The following RSPO4 variants were observed in gnomAD, a reference collection of about 807,000 sequenced individuals.
RSPO4 encodes the protein R-spondin-4.
A neutral mutation model predicts 24.8 loss-of-function variants in RSPO4; 23 were observed. The ratio of observed to expected loss-of-function variants is 0.93; its 90% CI spans 0.67 to 1.31. RSPO4 has a LOEUF of 1.31. RSPO4 is among the 40% of genes most tolerant of loss of function. RSPO4 has a pLI of 0.00. For missense variants in RSPO4, 333 were observed against 316.5 expected, an observed-to-expected ratio of 1.05 and a Z score of -0.39; for synonymous variants, 141 against 127.4, an observed-to-expected ratio of 1.11 and a Z score of -0.72.
intron 3 of RSPO4, among the ~76,000 whole-genome samples, chr20:964,763 TACAC>T (rs367722868): frequency 2.9e-5 from 4 of 138,512 alleles, no homozygotes; most frequent in South Asian, 2.3e-4. Context: ...CACATATATA[TACAC>T]ACACACACAC....
At chr20:966,082 A>G (rs1984186274) in intron 3 of RSPO4, among the ~76,000 whole-genome samples, 1 of 151,976 alleles carries the variant, frequency 6.6e-6, no homozygotes, top group Admixed American at 6.6e-5. Context: ...TGGCAGTGGG[A>G]GTGGAAAGAA....
Position 1,002,085 on chromosome 20 carries a change from C to T in RSPO4, c.79+1G>A, listed in dbSNP as rs775644973. On this transcript the variant is annotated splice_donor_variant, in intron 1 of 4. Coordinates refer to ENST00000217260, the MANE Select transcript of RSPO4 (RefSeq NM_001029871.4). LOFTEE classifies it high-confidence loss of function. The surrounding 1 kb of genome is among the most constrained non-coding windows in gnomAD (Gnocchi z 4.6). ...CCGCCCTGCCCAGCCACCCCTTGTA[C>T]CTTGCTTCTTCCTTCGGTTCAGGGC... is the stretch of plus-strand genomic sequence containing the variant. 8.9e-5 allele frequency: 139 copies of T among 1,556,098 alleles called. 1 individual carries two copies. The highest frequency in any genetic ancestry group is 1.3e-4 in the Admixed American group (7 of 52,116).
intron 1 of RSPO4, among the ~76,000 whole-genome samples, chr20:969,152 C>CA (rs1172929251): frequency 6.6e-6 from 1 of 152,152 alleles, no homozygotes; most frequent in Non-Finnish European, 1.5e-5. Flanking sequence ...CCTGTCTCTA[C>CA]AAAAAATACA....
chr20:978,893 T>C (rs1984651400), intron 1 of RSPO4, among the ~76,000 whole-genome samples: 1 of 151,794 alleles, frequency 6.6e-6, no homozygotes, highest in African/African-American at 2.4e-5. Context: ...CCCGCTAAGG[T>C]GCCAATACAG....
intron 3 of RSPO4, among the ~76,000 whole-genome samples, chr20:965,117 C>T (rs576075426): frequency 3.3e-5 from 5 of 152,218 alleles, no homozygotes; most frequent in African/African-American, 9.6e-5. Context: ...ACAAGACAGC[C>T]CAGGGTCTGC....
chr20:974,754 G>C (rs1241635579), intron 1 of RSPO4, among the ~76,000 whole-genome samples: 1 of 152,164 alleles, frequency 6.6e-6, no homozygotes, highest in African/African-American at 2.4e-5. Flanking sequence ...AAGAGCCTCT[G>C]GAGAATGGAG....
At chr20:974,405 G>A (rs1489762893) in intron 1 of RSPO4, among the ~76,000 whole-genome samples, 2 of 152,222 alleles carry the variant, frequency 1.3e-5, no homozygotes, top group African/African-American at 2.4e-5. Context: ...GACCTAAGGC[G>A]ATCTGCAGGT....
At position 959,937 on chromosome 20, in the gene RSPO4, A is replaced by G. The variant is rs1380489973; in HGVS notation, c.*420T>C. The G allele has an allele frequency of 5.3e-6, 1 of 190,280 alleles. No homozygotes were observed. The highest frequency in any genetic ancestry group is 2.4e-5 in the African/African-American group (1 of 42,160). The allele number at this position is 190,280 out of a possible 1,614,324, so 11.8% of individuals were successfully genotyped here. ...GGGTCAGGGAAAGGCCTGGGAAAAG[A>G]TGTTTGCTTTCTTTAAGTTGTAGAT... is the stretch of plus-strand genomic sequence containing the variant. On this transcript the variant is annotated 3_prime_UTR_variant, in exon 5 of 5. Coordinates refer to ENST00000217260, the MANE Select transcript of RSPO4 (RefSeq NM_001029871.4).
chr20:980,822 C>T (rs1181968850), intron 1 of RSPO4, among the ~76,000 whole-genome samples: 1 of 152,130 alleles, frequency 6.6e-6, no homozygotes, highest in African/African-American at 2.4e-5. Flanking sequence ...TCGACACATG[C>T]GGTTGTTTTA....
intron 2 of RSPO4, 66 bp downstream of exon 2, chr20:967,884 G>A: frequency 2.1e-6 from 3 of 1,441,182 alleles, no homozygotes; most frequent in Non-Finnish European, 2.9e-6. Flanking sequence ...GGGTGAAAGG[G>A]TGGGATCTAA....
chr20:986,322 G>GTT (rs1984919881), intron 1 of RSPO4, among the ~76,000 whole-genome samples: 1 of 152,098 alleles, frequency 6.6e-6, no homozygotes, highest in African/African-American at 2.4e-5. Flanking sequence ...AATTGTGGAG[G>GTT]CCACAGCAGC....
intron 1 of RSPO4, among the ~76,000 whole-genome samples, chr20:984,908 TCCATCCATCCATCC>T (rs1425581550): frequency 1.9e-3 from 252 of 129,594 alleles, no homozygotes; most frequent in African/African-American, 7.2e-3. Context: ...TCCCCATCCA[TCCATCCATCCATCC>T]CCATCCATCC....
chr20:969,000 G>A (rs116519061), intron 1 of RSPO4, among the ~76,000 whole-genome samples: 1,837 of 152,298 alleles, frequency 0.012, 32 homozygotes, highest in African/African-American at 0.042. Context: ...ACACTTGCAG[G>A]GAGGGACTCA....
At chr20:999,416 T>G (rs1055576310) in intron 1 of RSPO4, among the ~76,000 whole-genome samples, 8 of 152,160 alleles carry the variant, frequency 5.3e-5, no homozygotes, top group African/African-American at 1.9e-4. Flanking sequence ...AGAACTCCTG[T>G]GGCTGCCTTG....
At chr20:999,789 GA>G (rs1985405209) in intron 1 of RSPO4, among the ~76,000 whole-genome samples, 2 of 152,022 alleles carry the variant, frequency 1.3e-5, no homozygotes, top group South Asian at 4.1e-4. Context: ...GGCAGGATAG[GA>G]ATTTTTCATT....
chr20:967,325 G>T lies in RSPO4; in HGVS notation c.269-11C>A, dbSNP rs752949460. ...AAGTGGCCCCACATTCTGTAATAGA[G>T]CCAGGGACACCCCAGGTGAGGGAGA... On this transcript the variant is annotated splice_polypyrimidine_tract_variant and intron_variant, in intron 2 of 4. Coordinates refer to ENST00000217260, the MANE Select transcript of RSPO4 (RefSeq NM_001029871.4). The T allele has an allele frequency of 6.2e-7, 1 of 1,613,856 alleles. No homozygotes were observed. Among genetic ancestry groups the T allele is most frequent in the Admixed American group, 1.7e-5 (1 of 60,032 alleles).
At position 981,443 on chromosome 20, in the gene RSPO4, T is replaced by G. The variant is rs1317433267; in HGVS notation, c.80-13305A>C. Reference sequence around the variant, plus strand: ...AGGTGGCTGAGGCATGAGAAACGCTTGAATCCAGGATGCGGAGGTTGCATG... The same window carrying G: ...AGGTGGCTGAGGCATGAGAAACGCTGGAATCCAGGATGCGGAGGTTGCATG... On this transcript the variant is annotated intron_variant, in intron 1 of 4. Coordinates refer to ENST00000217260, the MANE Select transcript of RSPO4 (RefSeq NM_001029871.4). This position sits in a 1 kb window ranked among gnomAD's most constrained non-coding sequence, Gnocchi z 4.6. Among the ~76,000 whole-genome samples the G allele has an allele frequency of 6.6e-6, 1 of 152,154 alleles. No individual in the cohort carries two copies. The highest frequency in any genetic ancestry group is 2.4e-5 in the African/African-American group (1 of 41,428).
In RSPO4 at chr20:964,015, C is replaced by T. The variant is rs561493674; in HGVS notation, c.515G>A (p.Arg172Gln). ...GGTGGCTGCCTCCTCATGCCCAGCC[C>T]GGCCAGCCTCTCGTACCCGGCTCTC... is the stretch of plus-strand genomic sequence containing the variant. ...GLESRVREAG[R>Q]AGHEEAATCQ... The change falls in exon 4 of 5, where the codon CGG becomes CAG. Residue 172 changes from arginine to glutamine, a missense_variant. Arg to Gln is a conservative substitution (Grantham distance 43). Coordinates refer to ENST00000217260, the MANE Select transcript of RSPO4 (RefSeq NM_001029871.4). 8.1e-6 allele frequency: 13 copies of T among 1,613,824 alleles called. No homozygotes were observed. Among genetic ancestry groups the T allele is most frequent in the Middle Eastern group, 1.7e-4 (1 of 6,024 alleles).
chr20:966,846 C>T (rs1984217246), intron 3 of RSPO4, among the ~76,000 whole-genome samples: 1 of 151,800 alleles, frequency 6.6e-6, no homozygotes, highest in African/African-American at 2.4e-5. Flanking sequence ...AGAGTGAGAC[C>T]CTATCTCAAA....
Sources: gnomAD v4.1 joint callset for allele counts (sites outside exome capture counted in the v4.1 genomes callset) on GRCh38, gnomAD v4.1.1 for gene constraint, Gnocchi (gnomAD v3.1) non-coding constraint, MANE v1.5 for transcripts, NCBI Gene and HGNC (gene_info 2026-07-23, HGNC 2026-07-21) for gene names.